The following DIP2B variants were observed in gnomAD, a reference collection of about 807,000 sequenced individuals.
DIP2B encodes the protein DIP2 acetate--CoA ligase B (putative).
In DIP2B, 76 loss-of-function variants were observed where a neutral mutation model predicts 198.0. The observed-to-expected ratio is 0.38, with a 90% CI of 0.32 to 0.46. The LOEUF (loss-of-function observed/expected upper bound fraction) is 0.46. Ranked by LOEUF, DIP2B falls within the 20% of genes least tolerant of loss-of-function variation. The probability of loss-of-function intolerance (pLI) is 0.99; values close to 1 mark genes in which losing one functional copy is unlikely to be tolerated. For missense variants in DIP2B, 1,559 were observed against 1,978.4 expected, an observed-to-expected ratio of 0.79 and a Z score of 4.02; for synonymous variants, 701 against 739.1, an observed-to-expected ratio of 0.95 and a Z score of 0.84.
At chr12:50,590,051 A>G (rs1019560054) in intron 1 of DIP2B, among the ~76,000 whole-genome samples, 2 of 152,050 alleles carry the variant, frequency 1.3e-5, no homozygotes, top group Non-Finnish European at 2.9e-5. Flanking sequence ...GCTGGAGTGC[A>G]GTGACGCCAT....
chr12:50,511,342 T>G (rs1958015050), intron 1 of DIP2B, among the ~76,000 whole-genome samples: 1 of 139,702 alleles, frequency 7.2e-6, no homozygotes, highest in African/African-American at 2.6e-5. Context: ...TTGCTCAGAC[T>G]GTGCAGTGGC....
chr12:50,672,398 T>C (rs1938870796), intron 5 of DIP2B, among the ~76,000 whole-genome samples: 1 of 152,194 alleles, frequency 6.6e-6, no homozygotes. Flanking sequence ...TACAAAGATT[T>C]GCGTATTCAC....
chr12:50,516,448 C>T (rs560961668), intron 1 of DIP2B, among the ~76,000 whole-genome samples: 1 of 152,014 alleles, frequency 6.6e-6, no homozygotes, highest in Admixed American at 6.6e-5. Flanking sequence ...GAGATGGGGT[C>T]TCGTTATGTT....
intron 9 of DIP2B, 128 bp from the exon 10 acceptor site, chr12:50,683,010 G>A (rs1777263971): frequency 1.3e-6 from 1 of 770,462 alleles, no homozygotes; most frequent in Non-Finnish European, 2.0e-6. Context: ...ATTTCCTTTA[G>A]AGCAGATGGC....
At position 50,582,145 on chromosome 12, in the gene DIP2B, G is replaced by GTTTTTT. The variant is rs367699036; in HGVS notation, c.101-43812_101-43807dup. Among the ~76,000 whole-genome samples the GTTTTTT allele has an allele frequency of 9.9e-4, 77 of 77,542 alleles. 2 individuals carry two copies. Among genetic ancestry groups the GTTTTTT allele is most frequent in the African/African-American group, 4.1e-3 (66 of 16,130 alleles). 50.9% of individuals were successfully genotyped at this position (77,542 alleles called of 152,430 possible). On this transcript the variant is annotated intron_variant, in intron 1 of 37. Coordinates refer to ENST00000301180, the MANE Select transcript of DIP2B (RefSeq NM_173602.3). ...TAATAGCTTCTTTTTCTTTTTTTCT[G>GTTTTTT]TTTTTTTTTTTTTTTTTTTTTTTTG...
chr12:50,721,674 G>A (rs1167582651), intron 26 of DIP2B, among the ~76,000 whole-genome samples: 1 of 152,244 alleles, frequency 6.6e-6, no homozygotes, highest in South Asian at 2.1e-4. Context: ...AATGAATGAA[G>A]TCTTCAGCTA....
At chr12:50,694,827 G>A (rs531261956) in intron 14 of DIP2B, among the ~76,000 whole-genome samples, 1 of 152,028 alleles carries the variant, frequency 6.6e-6, no homozygotes, top group East Asian at 1.9e-4. Flanking sequence ...TTGTGATATA[G>A]CCAAACAATG....
chr12:50,737,151 T>TA, intron 35 of DIP2B, 41 bp downstream of exon 35: 1 of 1,562,448 alleles, frequency 6.4e-7, no homozygotes, highest in Non-Finnish European at 8.8e-7. Flanking sequence ...AAGTCAGCAG[T>TA]AAAAATCTCT....
intron 1 of DIP2B, among the ~76,000 whole-genome samples, chr12:50,606,085 A>G (rs1269888165): frequency 1.3e-5 from 2 of 152,132 alleles, no homozygotes; most frequent in Non-Finnish European, 2.9e-5. Context: ...GGCCTCCCAA[A>G]GTGCTAGGAT....
chr12:50,551,719 C>T (rs1958428910), intron 1 of DIP2B, among the ~76,000 whole-genome samples: 1 of 152,164 alleles, frequency 6.6e-6, no homozygotes. Context: ...CTTGGGATTA[C>T]ATGCATGAGC....
chr12:50,511,942 G>T (rs1369434251), intron 1 of DIP2B, among the ~76,000 whole-genome samples: 1 of 88,886 alleles, frequency 1.1e-5, no homozygotes, highest in Non-Finnish European at 2.1e-5. Flanking sequence ...GCAAGACTCC[G>T]TCTCAAAAAA....
chr12:50,640,699 C>T (rs200351504), intron 2 of DIP2B, 25 bp from the exon 3 acceptor site: 99 of 1,609,980 alleles, frequency 6.1e-5, no homozygotes, highest in Non-Finnish European at 8.0e-5. Flanking sequence ...TACTGGATAA[C>T]CATCTTTTAA....
intron 3 of DIP2B, among the ~76,000 whole-genome samples, chr12:50,644,236 C>T (rs1938310889): frequency 6.6e-6 from 1 of 152,142 alleles, no homozygotes; most frequent in Non-Finnish European, 1.5e-5. Flanking sequence ...TTTTCCTGCA[C>T]ATCCAGGCAT....
At chr12:50,686,818 C>A in intron 12 of DIP2B, 136 bp downstream of exon 12, 2 of 769,856 alleles carry the variant, frequency 2.6e-6, no homozygotes, top group South Asian at 2.0e-5. Context: ...CATCTTTTGG[C>A]TTGTAAAATG....
chr12:50,573,783 A>G (rs1397996595), intron 1 of DIP2B, among the ~76,000 whole-genome samples: 1 of 152,250 alleles, frequency 6.6e-6, no homozygotes, highest in Non-Finnish European at 1.5e-5. Flanking sequence ...AAAATGTCAC[A>G]GTGTGATGTA....
chr12:50,600,886 GACCACCATCACCACCACCACCACCACC>G (rs1958928618), intron 1 of DIP2B, among the ~76,000 whole-genome samples: 3 of 134,984 alleles, frequency 2.2e-5, no homozygotes, highest in Non-Finnish European at 4.9e-5. Flanking sequence ...TCACCACCAT[GACCACCATCACCACCACCACCACCACC>G]ACCACCACCA....
intron 1 of DIP2B, among the ~76,000 whole-genome samples, chr12:50,518,381 TGCCCG>T (rs1180674969): frequency 3.3e-5 from 5 of 152,122 alleles, no homozygotes; most frequent in Admixed American, 2.6e-4. Context: ...CCCGCTACCA[TGCCCG>T]GCTAATTTTT....
At chr12:50,710,510 G>A (rs1011934129) in intron 22 of DIP2B, among the ~76,000 whole-genome samples, 1 of 151,688 alleles carries the variant, frequency 6.6e-6, no homozygotes, top group Non-Finnish European at 1.5e-5. Context: ...TGCAACCTCC[G>A]CCTCCTGGGT....
intron 1 of DIP2B, among the ~76,000 whole-genome samples, chr12:50,564,302 A>G (rs1958545279): frequency 6.6e-6 from 1 of 152,006 alleles, no homozygotes; most frequent in South Asian, 2.1e-4. Flanking sequence ...TCAACTTCCC[A>G]CTGCTGCAGA....
Sources: gnomAD v4.1 joint callset for allele counts (sites outside exome capture counted in the v4.1 genomes callset) on GRCh38, gnomAD v4.1.1 for gene constraint, MANE v1.5 for transcripts, NCBI Gene and HGNC (gene_info 2026-07-23, HGNC 2026-07-21) for gene names.